Variants in VGLL3 observed in about 807,000 individuals in gnomAD.
VGLL3 encodes the protein transcription cofactor vestigial-like protein 3.
VGLL3 carries 18 observed loss-of-function variants against 29.2 expected under a neutral mutation model. The ratio of observed to expected loss-of-function variants is 0.62; its 90% CI spans 0.43 to 0.91. The LOEUF is 0.91. VGLL3 is among the 40% of genes least tolerant of loss of function. The probability of loss-of-function intolerance (pLI) is 0.00; values close to 1 mark genes in which losing one functional copy is unlikely to be tolerated. For synonymous variants in VGLL3, 180 were observed against 151.8 expected, an observed-to-expected ratio of 1.19 and a Z score of -1.36; for missense variants, 440 against 413.2, an observed-to-expected ratio of 1.06 and a Z score of -0.56.
chr3:86,969,131 G>A lies in VGLL3; in HGVS notation c.404-8C>T. ...TTGAGAGAGCTGAGCTGTCTGAGAA[G>A]ACAGAAAATAAAAAACATTATTAAC... On this transcript the variant is annotated splice_polypyrimidine_tract_variant and splice_region_variant and intron_variant, in intron 2 of 3. Transcript: ENST00000398399. 1.3e-6 allele frequency: 2 copies of A among 1,550,002 alleles called. No individual in the cohort carries two copies. The highest frequency in any genetic ancestry group is 2.0e-5 in the Admixed American group (1 of 49,370).
rs745551458 is a variant in VGLL3, at chr3:86,990,609, G to T, written c.126+9C>A. ...CCGCCCCCAGCAGGCTGCCCGTCCGGTGACTCACCTGCTGGCCAGGTTGGG... is the reference window on the plus strand; with the variant it reads ...CCGCCCCCAGCAGGCTGCCCGTCCGTTGACTCACCTGCTGGCCAGGTTGGG... On this transcript the variant is annotated intron_variant, in intron 1 of 3. Transcript: ENST00000398399. 1 of 1,342,280 alleles carries T rather than the reference G, an allele frequency of 7.5e-7. No individual in the cohort carries two copies. Among genetic ancestry groups the T allele is most frequent in the Non-Finnish European group, 9.6e-7 (1 of 1,037,674 alleles). The allele number at this position is 1,342,280 out of a possible 1,614,324, so 83.1% of individuals were successfully genotyped here.
At chr3:86,950,660 A>G (rs1704597438) in intron 3 of VGLL3, among the ~76,000 whole-genome samples, 1 of 152,196 alleles carries the variant, frequency 6.6e-6, no homozygotes, top group Non-Finnish European at 1.5e-5. Flanking sequence ...ATTTTTTAAA[A>G]ATTCTCCATT....
chr3:86,975,293 A>T (rs933227783), intron 2 of VGLL3, among the ~76,000 whole-genome samples: 1 of 152,116 alleles, frequency 6.6e-6, no homozygotes, highest in Non-Finnish European at 1.5e-5. Flanking sequence ...ATTTTATTGA[A>T]CCTCTTCTTT....
chr3:86,955,040 G>T (rs1022768461), intron 3 of VGLL3, among the ~76,000 whole-genome samples: 3 of 152,082 alleles, frequency 2.0e-5, no homozygotes, highest in Non-Finnish European at 2.9e-5. Flanking sequence ...TCTAGGTTAT[G>T]CAGTGACAGC....
intron 1 of VGLL3, among the ~76,000 whole-genome samples, chr3:86,984,709 C>T (rs1235445705): frequency 6.6e-6 from 1 of 151,874 alleles, no homozygotes; most frequent in African/African-American, 2.4e-5. Context: ...CAATTAATAC[C>T]TACCTTGTGT....
chr3:86,948,342 A>T (rs899237521), intron 3 of VGLL3, among the ~76,000 whole-genome samples: 1 of 152,176 alleles, frequency 6.6e-6, no homozygotes, highest in African/African-American at 2.4e-5. Context: ...TAGCTAAATG[A>T]GCCAATTTGG....
chr3:86,983,807 T>A (rs1575880895), intron 1 of VGLL3, among the ~76,000 whole-genome samples: 1 of 152,328 alleles, frequency 6.6e-6, no homozygotes, highest in African/African-American at 2.4e-5. Context: ...CTTTTGTATA[T>A]TTCATTTCAC....
rs911616292 is a variant in VGLL3, at chr3:86,943,382, C to A, written c.*3642G>T. The A allele has an allele frequency of 6.6e-6, 1 of 152,092 alleles. No individual in the cohort carries two copies. Among genetic ancestry groups the A allele is most frequent in the Non-Finnish European group, 1.5e-5 (1 of 68,002 alleles). The allele number at this position is 152,092 out of a possible 1,614,324, so 9.4% of individuals were successfully genotyped here. A position where few individuals can be genotyped will look rare whatever the true frequency, so the allele number is the denominator to read the frequency against. On this transcript the variant is annotated 3_prime_UTR_variant, in exon 4 of 4. Transcript: ENST00000398399. ...ATAAATACAACATTAAACCAGATAG[C>A]AAACTCAAAAGCTAGATAGGGTGAC...
At chr3:86,974,662 C>T (rs751138026) in intron 2 of VGLL3, among the ~76,000 whole-genome samples, 21 of 152,036 alleles carry the variant, frequency 1.4e-4, no homozygotes, top group Non-Finnish European at 2.5e-4. Context: ...AAAGATTTAC[C>T]GTGTAAATAT....
At chr3:86,979,501 C>G (rs1028278108) in intron 1 of VGLL3, among the ~76,000 whole-genome samples, 1 of 151,980 alleles carries the variant, frequency 6.6e-6, no homozygotes, top group African/African-American at 2.4e-5. Context: ...GTGGGTTAAT[C>G]TTTCAATTAA....
chr3:86,990,579 C>T (rs767813576), intron 1 of VGLL3, 39 bp downstream of exon 1: 1 of 1,315,660 alleles, frequency 7.6e-7, no homozygotes, highest in Non-Finnish European at 9.8e-7. Context: ...CGATGCCCTT[C>T]GCCCCCGCCC....
At chr3:86,953,035 T>C (rs1432015460) in intron 3 of VGLL3, among the ~76,000 whole-genome samples, 2 of 152,046 alleles carry the variant, frequency 1.3e-5, no homozygotes, top group African/African-American at 4.8e-5. Context: ...AAGAGAAAAA[T>C]GTAAGAGAGA....
At chr3:86,970,483 GCACA>G (rs10694503) in intron 2 of VGLL3, among the ~76,000 whole-genome samples, 1,565 of 141,272 alleles carry the variant, frequency 0.011, 18 homozygotes, top group East Asian at 0.052. Context: ...TTACACACAC[GCACA>G]CACACACACA....
intron 3 of VGLL3, 62 bp from the exon 4 acceptor site, chr3:86,947,129 G>T: frequency 2.6e-6 from 2 of 776,358 alleles, no homozygotes; most frequent in South Asian, 2.7e-5. Context: ...CCAAAAATAA[G>T]CATAATCTGC....
chr3:86,978,444 G>A, intron 2 of VGLL3, 82 bp downstream of exon 2: 1 of 1,469,256 alleles, frequency 6.8e-7, no homozygotes, highest in South Asian at 1.3e-5. Flanking sequence ...ATCCTCAGGG[G>A]CAAGTCTCCA....
At chr3:86,988,198 T>A (rs1705491998) in intron 1 of VGLL3, among the ~76,000 whole-genome samples, 1 of 152,132 alleles carries the variant, frequency 6.6e-6, no homozygotes, top group Admixed American at 6.5e-5. Context: ...GCTATTAAAA[T>A]TTCTTGATTG....
intron 3 of VGLL3, among the ~76,000 whole-genome samples, chr3:86,953,021 T>C (rs1704647310): frequency 6.6e-6 from 1 of 152,082 alleles, no homozygotes; most frequent in African/African-American, 2.4e-5. Context: ...ACCTTAACAC[T>C]TGCAAGAGAA....
intron 2 of VGLL3, among the ~76,000 whole-genome samples, chr3:86,975,821 A>T (rs976655852): frequency 2.0e-5 from 3 of 151,984 alleles, no homozygotes; most frequent in Admixed American, 2.0e-4. Flanking sequence ...AAGCTCTAAA[A>T]CAGTGGGGCG....
intron 1 of VGLL3, among the ~76,000 whole-genome samples, chr3:86,981,198 T>C (rs925193007): frequency 1.3e-5 from 2 of 152,122 alleles, no homozygotes; most frequent in African/African-American, 4.8e-5. Context: ...GTAGCAATCA[T>C]AAAATATCAA....
Sources: allele counts gnomAD v4.1 joint callset (sites outside exome capture counted in the v4.1 genomes callset), GRCh38; gene constraint gnomAD v4.1.1; transcripts MANE v1.5; gene names NCBI Gene and HGNC (gene_info 2026-07-23, HGNC 2026-07-21).